Variants in AAK1 observed in about 807,000 individuals in gnomAD.
AAK1 encodes the protein AP2 associated kinase 1, also known as AP2-associated protein kinase 1.
AAK1 carries 37 observed loss-of-function variants against 116.0 expected under a neutral mutation model. The ratio of observed to expected loss-of-function variants is 0.32; its 90% confidence interval spans 0.25 to 0.42. The LOEUF is 0.42. Among genes scored for constraint, AAK1 ranks in the 10% least tolerant of loss-of-function variants. The probability of loss-of-function intolerance (pLI) is 1.00; values close to 1 mark genes in which losing one functional copy is unlikely to be tolerated. For missense variants in AAK1, 919 were observed against 1,170.6 expected (o/e 0.79, Z 3.14); for synonymous variants, 458 against 439.9 (o/e 1.04, Z -0.51).
chr2:69,540,582 C>T (rs1175691039), intron 5 of AAK1, among the ~76,000 whole-genome samples: 12 of 152,064 alleles, frequency 7.9e-5, no homozygotes, highest in Non-Finnish European at 1.6e-4. Flanking sequence ...ACTAGGATGG[C>T]TAAAACAAAA....
intron 5 of AAK1, among the ~76,000 whole-genome samples, chr2:69,534,033 G>C (rs57621371): frequency 2.6e-5 from 4 of 152,014 alleles, no homozygotes; most frequent in Non-Finnish European, 5.9e-5. Flanking sequence ...ACAAAACAAC[G>C]CTAATGTTTT....
intron 16 of AAK1, among the ~76,000 whole-genome samples, chr2:69,504,277 G>C (rs185668763): frequency 6.6e-6 from 1 of 150,888 alleles, no homozygotes; most frequent in Admixed American, 6.6e-5. Context: ...TACACCGGTA[G>C]TCCTAGCTAC....
chr2:69,533,358 T>C (rs756033706), intron 5 of AAK1, among the ~76,000 whole-genome samples: 13 of 152,302 alleles, frequency 8.5e-5, no homozygotes, highest in African/African-American at 2.9e-4. Context: ...AGGCGCAAGA[T>C]AGGAGCCACC....
intron 2 of AAK1, among the ~76,000 whole-genome samples, chr2:69,634,687 C>G (rs1675371574): frequency 6.6e-6 from 1 of 150,410 alleles, no homozygotes; most frequent in Admixed American, 6.8e-5. Flanking sequence ...GGAAGGAGAT[C>G]AGAGAGGACT....
chr2:69,476,329 T>C (rs1010680907), intron 21 of AAK1, among the ~76,000 whole-genome samples: 1 of 152,108 alleles, frequency 6.6e-6, no homozygotes, highest in Non-Finnish European at 1.5e-5. Context: ...AAAGTAAAAA[T>C]CAATAATTTT....
At chr2:69,629,144 C>A (rs1675047939) in intron 2 of AAK1, among the ~76,000 whole-genome samples, 1 of 152,212 alleles carries the variant, frequency 6.6e-6, no homozygotes, top group African/African-American at 2.4e-5. Context: ...CCTTTTCTGG[C>A]TGGACCTGGA....
intron 3 of AAK1, among the ~76,000 whole-genome samples, chr2:69,545,120 C>G (rs1349780294): frequency 6.6e-6 from 1 of 151,988 alleles, no homozygotes; most frequent in African/African-American, 2.4e-5. Context: ...TTCAAGCCAA[C>G]CAACTGGGAT....
chr2:69,637,336 C>A (rs562869901), intron 2 of AAK1, among the ~76,000 whole-genome samples: 1 of 152,322 alleles, frequency 6.6e-6, no homozygotes, highest in African/African-American at 2.4e-5. Flanking sequence ...CAGCTATTTG[C>A]TCACATATCT....
At chr2:69,565,405 T>C (rs1212888737) in intron 2 of AAK1, among the ~76,000 whole-genome samples, 3 of 152,260 alleles carry the variant, frequency 2.0e-5, no homozygotes, top group Non-Finnish European at 4.4e-5. Flanking sequence ...CCTGCTTCCA[T>C]CTTTACAAGG....
At chr2:69,628,595 A>C (rs1675019527) in intron 2 of AAK1, among the ~76,000 whole-genome samples, 1 of 152,180 alleles carries the variant, frequency 6.6e-6, no homozygotes, top group African/African-American at 2.4e-5. Context: ...GACTTGAACA[A>C]CACTCTGTCA....
rs1453773889 is a variant in AAK1 at position 69,475,009 on chromosome 2, A to G, written c.*860T>C. The stretch of plus-strand genomic sequence containing the variant: ...CCCCAGTGAAAAGTCTTCTAATAAA[A>G]GGTATCATATTACCACCGTCTTGTT... On this transcript the variant is annotated 3_prime_UTR_variant, in exon 22 of 22. Transcript: ENST00000409085. 1.0e-6 allele frequency: 1 copy of G among 980,234 alleles called. No individual in the cohort carries two copies. The highest frequency in any genetic ancestry group is 1.2e-6 in the Non-Finnish European group (1 of 828,670). The allele number at this position is 980,234 out of a possible 1,614,324, so 60.7% of individuals were successfully genotyped here.
chr2:69,517,450 G>A (rs969328315), intron 12 of AAK1, among the ~76,000 whole-genome samples: 2 of 151,888 alleles, frequency 1.3e-5, no homozygotes, highest in Admixed American at 6.6e-5. Flanking sequence ...TCAATACACC[G>A]ATTGATCTTT....
chr2:69,614,001 T>C (rs1450820295), intron 2 of AAK1, among the ~76,000 whole-genome samples: 3 of 152,120 alleles, frequency 2.0e-5, no homozygotes, highest in African/African-American at 4.8e-5. Context: ...CAGAATTAAT[T>C]TGAATAGTAG....
At position 69,473,905 on chromosome 2, in the gene AAK1, C is replaced by T; in HGVS notation, c.*1964G>A. On this transcript the variant is annotated 3_prime_UTR_variant, in exon 22 of 22. Transcript: ENST00000409085. Reference sequence around the variant, plus strand: ...GGTAAACCAAGTCCTATTTTCACTGCTATCCAACCACAGAGAGCCCTTCGT... The same window carrying T: ...GGTAAACCAAGTCCTATTTTCACTGTTATCCAACCACAGAGAGCCCTTCGT... 1.0e-6 allele frequency: 1 copy of T among 985,814 alleles called. No individual in the cohort carries two copies. The allele number at this position is 985,814 out of a possible 1,614,324, so 61.1% of individuals were successfully genotyped here. A position where few individuals can be genotyped will look rare whatever the true frequency, so the allele number is the denominator to read the frequency against.
In AAK1 at chr2:69,469,214, G is replaced by A. The variant is rs916139628; in HGVS notation, c.*6655C>T. The A allele has an allele frequency of 5.1e-6, 5 of 985,308 alleles. No homozygotes were observed. The highest frequency in any genetic ancestry group is 6.2e-5 in the Admixed American group (1 of 16,254). The allele number at this position is 985,308 out of a possible 1,614,324, so 61.0% of individuals were successfully genotyped here. On this transcript the variant is annotated 3_prime_UTR_variant, in exon 22 of 22. Transcript: ENST00000409085. ...GCAACCACACTTTGCAACTCTCCAG[G>A]CCTGGCACTCTGAAGGGCAAAGAAA...
At position 69,530,152 on chromosome 2, in the gene AAK1, A is replaced by G. The variant is rs754884448; in HGVS notation, c.739-12T>C. On this transcript the variant is annotated splice_polypyrimidine_tract_variant and intron_variant, in intron 7 of 21. Coordinates refer to ENST00000409085, the MANE Select transcript of AAK1 (RefSeq NM_014911.5). ...AAACATCCAAGAGCCTAAAAAATAA[A>G]GATAGCAGATTGCTACTAGTGGCTT... is the stretch of plus-strand genomic sequence containing the variant. 3 of 1,601,204 alleles carry G rather than the reference A, an allele frequency of 1.9e-6. No homozygotes were observed. The highest frequency in any genetic ancestry group is 2.3e-5 in the South Asian group (2 of 87,988).
chr2:69,473,369 T>C lies in AAK1; in HGVS notation c.*2500A>G, dbSNP rs186216413. ...CACTATGCTCAACTCAAATAAACTC[T>C]TTCAGCTCAGGGATGATGCTCTAAA... On this transcript the variant is annotated 3_prime_UTR_variant, in exon 22 of 22. Transcript: ENST00000409085. The C allele has an allele frequency of 1.6e-5, 16 of 985,506 alleles. No individual in the cohort carries two copies. The South Asian group carries it at 4.2e-4, about 26-fold the overall frequency. The allele number at this position is 985,506 out of a possible 1,614,324, so 61.0% of individuals were successfully genotyped here. A position where few individuals can be genotyped will look rare whatever the true frequency, so the allele number is the denominator to read the frequency against.
intron 2 of AAK1, among the ~76,000 whole-genome samples, chr2:69,588,048 G>T (rs1234258904): frequency 6.6e-6 from 1 of 152,090 alleles, no homozygotes; most frequent in Non-Finnish European, 1.5e-5. Flanking sequence ...ACAGGCATGA[G>T]CTACCATGCC....
chr2:69,473,002 C>T lies in AAK1; in HGVS notation c.*2867G>A. ...GGAACTACAGAAGATAACTGAAGAA[C>T]ATCAGGATTATATAAATCCTTCATA... On this transcript the variant is annotated 3_prime_UTR_variant, in exon 22 of 22. Coordinates refer to ENST00000409085, the MANE Select transcript of AAK1 (RefSeq NM_014911.5). The T allele has an allele frequency of 2.0e-6, 2 of 981,992 alleles. No homozygotes were observed. The highest frequency in any genetic ancestry group is 2.4e-6 in the Non-Finnish European group (2 of 826,382). The allele number at this position is 981,992 out of a possible 1,614,324, so 60.8% of individuals were successfully genotyped here.
Sources: allele counts gnomAD v4.1 joint callset (sites outside exome capture counted in the v4.1 genomes callset), GRCh38; gene constraint gnomAD v4.1.1; transcripts MANE v1.5; gene names NCBI Gene and HGNC (gene_info 2026-07-23, HGNC 2026-07-21).